The following PRKN variants were observed in gnomAD, a reference collection of about 807,000 sequenced individuals.
PRKN encodes the protein E3 ubiquitin-protein ligase parkin.
Under a neutral mutation model 59.5 loss-of-function variants are expected in PRKN, and 56 were observed. That is an observed-to-expected ratio of 0.94 (90% CI 0.76 to 1.18). The LOEUF (loss-of-function observed/expected upper bound fraction) is 1.18, where lower values mean the gene tolerates loss of function less well. PRKN is among the 50% of genes most tolerant of loss of function. PRKN has a pLI of 0.00. For synonymous variants in PRKN, 250 were observed against 222.1 expected (o/e 1.13, Z -1.12); for missense variants, 657 against 596.4 (o/e 1.10, Z -1.06).
At chr6:161,641,300 A>G (rs1783727991) in intron 7 of PRKN, among the ~76,000 whole-genome samples, 1 of 152,230 alleles carries the variant, frequency 6.6e-6, no homozygotes, top group African/African-American at 2.4e-5. Flanking sequence ...GCTCCTGGGT[A>G]TAACATCATT....
intron 1 of PRKN, among the ~76,000 whole-genome samples, chr6:162,474,769 T>C (rs553406254): frequency 1.7e-4 from 26 of 152,264 alleles, no homozygotes; most frequent in African/African-American, 3.4e-4. Context: ...GAATATCAAG[T>C]GATCAGAAAC....
At chr6:162,266,557 T>G (rs555317771) in intron 2 of PRKN, 2 of 152,272 alleles carry the variant, frequency 1.3e-5, no homozygotes, top group South Asian at 4.1e-4. Flanking sequence ...ATAAGCTCAG[T>G]GCCCAAAGTG....
intron 5 of PRKN, among the ~76,000 whole-genome samples, chr6:162,019,373 A>G (rs980658163): frequency 1.3e-5 from 2 of 152,186 alleles, no homozygotes; most frequent in Admixed American, 6.5e-5. Context: ...AGCTGAAAGA[A>G]TACTTTGAGG....
At chr6:161,686,885 A>G (rs1033534093) in intron 7 of PRKN, among the ~76,000 whole-genome samples, 4 of 152,188 alleles carry the variant, frequency 2.6e-5, no homozygotes, top group African/African-American at 7.2e-5. Flanking sequence ...AGTACCAGGA[A>G]CCACGCCTGA....
At chr6:162,714,378 A>AGGGACACT (rs1778648578) in intron 1 of PRKN, among the ~76,000 whole-genome samples, 1 of 152,174 alleles carries the variant, frequency 6.6e-6, no homozygotes, top group Non-Finnish European at 1.5e-5. Flanking sequence ...CACTGGTGAC[A>AGGGACACT]GGGAGGGAGG....
intron 5 of PRKN, among the ~76,000 whole-genome samples, chr6:162,052,773 A>C (rs1777695057): frequency 6.6e-6 from 1 of 151,396 alleles, no homozygotes; most frequent in African/African-American, 2.4e-5. Context: ...TAGAATGTTG[A>C]CCCTAAAAAC....
At chr6:162,647,608 CATACTT>C (rs770518373) in intron 1 of PRKN, among the ~76,000 whole-genome samples, 11 of 152,072 alleles carry the variant, frequency 7.2e-5, no homozygotes, top group Non-Finnish European at 5.9e-5. Context: ...ATCCTTTACT[CATACTT>C]ATATGTCAAA....
intron 1 of PRKN, among the ~76,000 whole-genome samples, chr6:162,715,094 A>C (rs1308638989): frequency 6.6e-6 from 1 of 152,226 alleles, no homozygotes; most frequent in Admixed American, 6.5e-5. Context: ...AAGTCAAGGC[A>C]TATAGTTACT....
At chr6:162,156,157 C>T (rs78234969) in intron 4 of PRKN, among the ~76,000 whole-genome samples, 4,107 of 152,222 alleles carry the variant, frequency 0.027, 191 homozygotes, top group African/African-American at 0.093. Flanking sequence ...AAACAACTAA[C>T]ACAGCAATAT....
At chr6:161,655,743 TCTC>T (rs1784321300) in intron 7 of PRKN, among the ~76,000 whole-genome samples, 1 of 152,130 alleles carries the variant, frequency 6.6e-6, no homozygotes, top group Admixed American at 6.5e-5. Flanking sequence ...TAAATTTAGT[TCTC>T]CTGCTGCTGA....
chr6:162,257,714 C>T (rs1043896494), intron 3 of PRKN, among the ~76,000 whole-genome samples: 1 of 152,080 alleles, frequency 6.6e-6, no homozygotes, highest in Admixed American at 6.6e-5. Context: ...AAGCACTCAC[C>T]GACACCGCCT....
At chr6:162,312,846 G>A (rs1465950235) in intron 2 of PRKN, among the ~76,000 whole-genome samples, 1 of 152,076 alleles carries the variant, frequency 6.6e-6, no homozygotes, top group East Asian at 1.9e-4. Context: ...AACTCCTGGA[G>A]TTTAGAACAT....
chr6:161,403,431 A>C (rs2114985561), intron 9 of PRKN, among the ~76,000 whole-genome samples: 1 of 152,290 alleles, frequency 6.6e-6, no homozygotes, highest in South Asian at 2.1e-4. Flanking sequence ...ATAGCTCATA[A>C]AGGGCCCTTT....
chr6:162,718,947 C>CACAT (rs1465595388), intron 1 of PRKN, among the ~76,000 whole-genome samples: 1 of 152,100 alleles, frequency 6.6e-6, no homozygotes, highest in Non-Finnish European at 1.5e-5. Context: ...ATGCCACACA[C>CACAT]ACATACACAC....
At chr6:162,602,604 T>G (rs1583887030) in intron 1 of PRKN, among the ~76,000 whole-genome samples, 1 of 152,146 alleles carries the variant, frequency 6.6e-6, no homozygotes, top group Non-Finnish European at 1.5e-5. Context: ...AAAGACACAT[T>G]AAGAGTCCAT....
chr6:162,543,394 C>A (rs1209863643), intron 1 of PRKN, among the ~76,000 whole-genome samples: 1 of 152,084 alleles, frequency 6.6e-6, no homozygotes, highest in Non-Finnish European at 1.5e-5. Context: ...CCCCTCACAG[C>A]AGCTGCTCAC....
At chr6:161,465,423 G>C (rs1187516776) in intron 9 of PRKN, among the ~76,000 whole-genome samples, 1 of 151,310 alleles carries the variant, frequency 6.6e-6, no homozygotes, top group Non-Finnish European at 1.5e-5. Flanking sequence ...AAGTCTGATG[G>C]ATTCTGTCAG....
At chr6:161,909,147 A>G (rs1284054840) in intron 6 of PRKN, among the ~76,000 whole-genome samples, 2 of 152,200 alleles carry the variant, frequency 1.3e-5, no homozygotes, top group Non-Finnish European at 2.9e-5. Flanking sequence ...CAAATGATTC[A>G]TAGAGAAAGC....
chr6:161,642,021 T>C (rs1003918470), intron 7 of PRKN, among the ~76,000 whole-genome samples: 1 of 152,240 alleles, frequency 6.6e-6, no homozygotes, highest in African/African-American at 2.4e-5. Context: ...GTTTAATTTA[T>C]GAATGTCTGG....
Sources: allele counts gnomAD v4.1 joint callset (sites outside exome capture counted in the v4.1 genomes callset), GRCh38; gene constraint gnomAD v4.1.1; transcripts MANE v1.5; gene names NCBI Gene and HGNC (gene_info 2026-07-23, HGNC 2026-07-21).